The following CCDC3 variants were observed in gnomAD, a reference collection of about 807,000 sequenced individuals.
The protein encoded by CCDC3 is coiled-coil domain containing 3.
In CCDC3, 24 loss-of-function variants were observed where a neutral mutation model predicts 21.4. The observed-to-expected ratio is 1.12, with a 90% CI of 0.81 to 1.58. The LOEUF (loss-of-function observed/expected upper bound fraction) is 1.58, where lower values mean the gene tolerates loss of function less well. Among genes scored for constraint, CCDC3 ranks in the 40% most tolerant of loss-of-function variants. The probability of loss-of-function intolerance (pLI) is 0.00; values close to 1 mark genes in which losing one functional copy is unlikely to be tolerated. For missense variants in CCDC3, 425 were observed against 360.9 expected (o/e 1.18, Z -1.44); for synonymous variants, 186 against 166.0 (o/e 1.12, Z -0.93).
chr10:12,970,616 C>A (rs888918810), intron 2 of CCDC3, among the ~76,000 whole-genome samples: 3 of 152,186 alleles, frequency 2.0e-5, no homozygotes, highest in African/African-American at 7.2e-5. Flanking sequence ...CGGTGGCTCA[C>A]GCCTGTAATC....
chr10:13,073,800 T>C (rs1196304602), intron 4 of CCDC3: 1 of 152,122 alleles, frequency 6.6e-6, no homozygotes, highest in Non-Finnish European at 1.5e-5. Context: ...GACATTTTTT[T>C]TAAATGAGAG....
chr10:12,986,433 G>T (rs1835591466), intron 2 of CCDC3, among the ~76,000 whole-genome samples: 1 of 152,280 alleles, frequency 6.6e-6, no homozygotes, highest in South Asian at 2.1e-4. Flanking sequence ...CTTTGCAACT[G>T]CCTGTGAATC....
chr10:13,083,954 G>A (rs1837073154), intron 3 of CCDC3, among the ~76,000 whole-genome samples: 1 of 152,162 alleles, frequency 6.6e-6, no homozygotes, highest in South Asian at 2.1e-4. Context: ...TCTAAATGCT[G>A]ATTTTTTTTT....
At chr10:13,024,661 T>A (rs925502008) in intron 5 of CCDC3, among the ~76,000 whole-genome samples, 1 of 152,204 alleles carries the variant, frequency 6.6e-6, no homozygotes, top group Non-Finnish European at 1.5e-5. Context: ...TTACTTGAAA[T>A]CTGAACAGGT....
chr10:12,964,415 A>T (rs1441800962), intron 2 of CCDC3, among the ~76,000 whole-genome samples: 1 of 151,818 alleles, frequency 6.6e-6, no homozygotes, highest in African/African-American at 2.4e-5. Flanking sequence ...TCTGTTCTTT[A>T]TAAAAGCCAC....
intron 3 of CCDC3, among the ~76,000 whole-genome samples, chr10:13,093,375 C>T (rs993607119): frequency 6.6e-6 from 1 of 152,040 alleles, no homozygotes; most frequent in African/African-American, 2.4e-5. Context: ...CCCCATGATT[C>T]AATTATCTCC....
chr10:13,066,886 T>G (rs1245806718), intron 4 of CCDC3, among the ~76,000 whole-genome samples: 1 of 152,146 alleles, frequency 6.6e-6, no homozygotes, highest in African/African-American at 2.4e-5. Context: ...TTTTCCCTTT[T>G]CGCCCAATAA....
At chr10:13,035,388 T>A (rs1383188888) in intron 5 of CCDC3, among the ~76,000 whole-genome samples, 4 of 152,104 alleles carry the variant, frequency 2.6e-5, no homozygotes, top group Non-Finnish European at 5.9e-5. Context: ...TAAAATAAAA[T>A]AAAAAATAAA....
intron 2 of CCDC3, among the ~76,000 whole-genome samples, chr10:12,903,731 A>G (rs1834127424): frequency 6.6e-6 from 1 of 152,260 alleles, no homozygotes; most frequent in African/African-American, 2.4e-5. Flanking sequence ...GCAGATGGGA[A>G]GATTGCCCTG....
chr10:13,007,498 A>T (rs1835938951), intron 5 of CCDC3, among the ~76,000 whole-genome samples: 1 of 152,204 alleles, frequency 6.6e-6, no homozygotes, highest in African/African-American at 2.4e-5. Flanking sequence ...GCTGATATAT[A>T]TAGGCAGTCT....
chr10:13,025,556 C>G (rs189847409), intron 5 of CCDC3, among the ~76,000 whole-genome samples: 45 of 152,232 alleles, frequency 3.0e-4, no homozygotes, highest in Non-Finnish European at 6.0e-4. Flanking sequence ...TTAAATATAA[C>G]GTCAAAAAAT....
At chr10:13,044,189 G>A (rs956055162) in intron 5 of CCDC3, among the ~76,000 whole-genome samples, 9 of 152,048 alleles carry the variant, frequency 5.9e-5, no homozygotes, top group East Asian at 1.9e-4. Flanking sequence ...TCTTTTGCCC[G>A]ATTCTAATAA....
chr10:12,949,887 C>T (rs1834982623), intron 2 of CCDC3, among the ~76,000 whole-genome samples: 1 of 152,202 alleles, frequency 6.6e-6, no homozygotes, highest in Admixed American at 6.5e-5. Context: ...GTCATCTCAT[C>T]TAATGTATAT....
intron 2 of CCDC3, among the ~76,000 whole-genome samples, chr10:12,993,669 T>C (rs770065339): frequency 2.0e-5 from 3 of 152,188 alleles, no homozygotes; most frequent in Non-Finnish European, 4.4e-5. Flanking sequence ...CCAGTAAATC[T>C]GGTGGATGTT....
At chr10:12,982,958 A>C (rs947180310) in intron 2 of CCDC3, among the ~76,000 whole-genome samples, 9 of 150,260 alleles carry the variant, frequency 6.0e-5, no homozygotes, top group Non-Finnish European at 8.9e-5. Flanking sequence ...CTAAAAATAC[A>C]AAAGTTAGCT....
intron 2 of CCDC3, among the ~76,000 whole-genome samples, chr10:12,980,209 G>C (rs754261819): frequency 2.6e-5 from 4 of 152,166 alleles, no homozygotes; most frequent in Non-Finnish European, 4.4e-5. Flanking sequence ...AAAGCATCTG[G>C]GTTTGCTTAG....
At position 13,029,035 on chromosome 10, in the gene CCDC3, G is replaced by A. The variant is rs138526549; in HGVS notation, c.-2+20639C>T. On this transcript the variant is annotated intron_variant, in intron 5 of 6. Transcript: ENST00000378839. Reference sequence around the variant, plus strand: ...TTCCCTCTGACTGAGTAGCCTGTTCGGCCACTAAACAGGGTGTGCAGGTGT... The same window carrying A: ...TTCCCTCTGACTGAGTAGCCTGTTCAGCCACTAAACAGGGTGTGCAGGTGT... 1.3e-3 allele frequency among the ~76,000 whole-genome samples: 192 copies of A among 152,272 alleles called. 1 individual carries two copies. Among genetic ancestry groups the A allele is most frequent in the Non-Finnish European group, 2.4e-3 (162 of 68,018 alleles).
intron 2 of CCDC3, among the ~76,000 whole-genome samples, chr10:12,925,274 G>A (rs915636374): frequency 2.6e-5 from 4 of 152,190 alleles, no homozygotes; most frequent in Non-Finnish European, 5.9e-5. Context: ...TGGGAGAGCT[G>A]TTAAGGTCCC....
chr10:12,976,930 G>A (rs1365690947), intron 2 of CCDC3, among the ~76,000 whole-genome samples: 2 of 152,220 alleles, frequency 1.3e-5, no homozygotes, highest in African/African-American at 4.8e-5. Flanking sequence ...GGTATTGACA[G>A]AAGGAGTGGG....
Sources: gnomAD v4.1 joint callset for allele counts (sites outside exome capture counted in the v4.1 genomes callset) on GRCh38, gnomAD v4.1.1 for gene constraint, MANE v1.5 for transcripts, NCBI Gene and HGNC (gene_info 2026-07-23, HGNC 2026-07-21) for gene names.